The following SHCBP1L variants were observed in gnomAD, a reference collection of about 807,000 sequenced individuals.
SHCBP1L encodes the protein testicular spindle-associated protein SHCBP1L.
Under a neutral mutation model 62.5 loss-of-function variants are expected in SHCBP1L, and 67 were observed. That is an observed-to-expected ratio of 1.07 (90% CI 0.88 to 1.31). SHCBP1L has a LOEUF of 1.31. SHCBP1L is among the 40% of genes most tolerant of loss of function. The pLI, the probability that SHCBP1L is intolerant of heterozygous loss-of-function variation, is 0.00. For missense variants in SHCBP1L, 823 were observed against 809.8 expected (o/e 1.02, Z -0.20); for synonymous variants, 284 against 289.4 (o/e 0.98, Z 0.19).
chr1:182,944,957 C>CTTTTTT (rs11309339), intron 2 of SHCBP1L, among the ~76,000 whole-genome samples: 42 of 109,022 alleles, frequency 3.9e-4, no homozygotes, highest in African/African-American at 7.3e-4. Flanking sequence ...TTCTTTCTTT[C>CTTTTTT]TTTTTTTTTT....
intron 6 of SHCBP1L, among the ~76,000 whole-genome samples, chr1:182,910,480 TA>T (rs149181719): frequency 0.021 from 3,270 of 152,302 alleles, 114 homozygotes; most frequent in African/African-American, 0.075. Flanking sequence ...AGAAAGATGA[TA>T]TTTTTTTTCA....
rs188660271 is a variant in SHCBP1L, at chr1:182,914,945, G to A, written c.1183-9296C>T. Among the ~76,000 whole-genome samples the A allele has an allele frequency of 2.1e-3, 324 of 151,802 alleles. 3 individuals carry two copies. Among genetic ancestry groups the A allele is most frequent in the Admixed American group, 3.2e-3 (48 of 15,238 alleles). On this transcript the variant is annotated intron_variant, in intron 6 of 9. Transcript: ENST00000367547. Reference sequence around the variant, plus strand: ...AACCCTTTGGGAGGGCGAGGTGGGCGGATCATGAGGTCAGGAATTTGAGAC... The same window carrying A: ...AACCCTTTGGGAGGGCGAGGTGGGCAGATCATGAGGTCAGGAATTTGAGAC...
chr1:182,943,785 T>C (rs1651457932), intron 2 of SHCBP1L, among the ~76,000 whole-genome samples: 2 of 151,544 alleles, frequency 1.3e-5, no homozygotes, highest in South Asian at 4.2e-4. Context: ...TATACATGCA[T>C]ATAGTTTAGA....
At position 182,905,628 on chromosome 1, in the gene SHCBP1L, T is replaced by G. The variant is rs143615282; in HGVS notation, c.1204A>C (p.Thr402Pro). ...TEMIKDLSSD[T>P]LLQQHGDLDL... is the part of the protein sequence containing the mutation. ...AAATCACCATGCTGTTGGAGAAGTG[T>G]GTCTGAAGATAAATCCTTTATCTAA... Residue 402 changes from threonine to proline, a missense_variant, in exon 7 of 10, where the codon ACA (threonine) becomes CCA (proline). Physicochemically the swap from Thr to Pro is conservative, Grantham distance 38 (BLOSUM62 -1). Coordinates refer to ENST00000367547, the MANE Select transcript of SHCBP1L (RefSeq NM_030933.4). 1 of 1,613,114 alleles carries G rather than the reference T, an allele frequency of 6.2e-7. No individual in the cohort carries two copies. Among genetic ancestry groups the G allele is most frequent in the Non-Finnish European group, 8.5e-7 (1 of 1,179,720 alleles).
chr1:182,924,794 A>AAGAGAG (rs1287810709), intron 6 of SHCBP1L, among the ~76,000 whole-genome samples: 15 of 117,464 alleles, frequency 1.3e-4, no homozygotes, highest in African/African-American at 5.0e-4. Context: ...GAAAGAGAGA[A>AAGAGAG]AGAAAGGAAG....
chr1:182,905,401 T>C, intron 7 of SHCBP1L, 95 bp downstream of exon 7: 1 of 1,257,064 alleles, frequency 8.0e-7, no homozygotes, highest in East Asian at 2.5e-5. Context: ...TAAATTCTAT[T>C]GTAATTTCCA....
intron 9 of SHCBP1L, among the ~76,000 whole-genome samples, chr1:182,902,259 G>C (rs1292631746): frequency 6.6e-6 from 1 of 151,768 alleles, no homozygotes; most frequent in Non-Finnish European, 1.5e-5. Context: ...CACCATGTTA[G>C]CCAGGATGGT....
intron 7 of SHCBP1L, 65 bp downstream of exon 7, chr1:182,905,431 T>C: frequency 1.4e-6 from 2 of 1,467,564 alleles, no homozygotes; most frequent in Non-Finnish European, 1.9e-6. Context: ...TTAAGCATGT[T>C]TAGAATACAC....
chr1:182,952,223 TATATATATATATACAC>T (rs1194714372), intron 1 of SHCBP1L, among the ~76,000 whole-genome samples: 6 of 64,006 alleles, frequency 9.4e-5, no homozygotes, highest in East Asian at 1.0e-3. Flanking sequence ...TATATATATA[TATATATATATATACAC>T]ACACACACAC....
At chr1:182,932,683 T>G (rs1181422561) in intron 5 of SHCBP1L, among the ~76,000 whole-genome samples, 1 of 151,784 alleles carries the variant, frequency 6.6e-6, no homozygotes, top group Non-Finnish European at 1.5e-5. Flanking sequence ...TTATTAGAGA[T>G]GGGGTTTTGC....
intron 5 of SHCBP1L, among the ~76,000 whole-genome samples, chr1:182,934,792 G>T (rs1476220651): frequency 6.6e-6 from 1 of 152,102 alleles, no homozygotes; most frequent in East Asian, 1.9e-4. Context: ...GAGTCTTATA[G>T]TTTTGAGTTT....
chr1:182,930,594 T>TATATAC (rs1196006204), intron 5 of SHCBP1L, among the ~76,000 whole-genome samples: 1 of 99,896 alleles, frequency 1.0e-5, no homozygotes, highest in Non-Finnish European at 2.1e-5. Flanking sequence ...TATATATATA[T>TATATAC]ACACATATAT....
At position 182,903,064 on chromosome 1, in the gene SHCBP1L, C is replaced by T. The variant is rs775788864; in HGVS notation, c.1685G>A (p.Ser562Asn). Residue 562 changes from serine to asparagine, a missense_variant, in exon 9 of 10, where the codon AGC (serine) becomes AAC (asparagine). By Grantham distance (46) the Ser-to-Asn change is conservative (BLOSUM62 1). Transcript: ENST00000367547. ...CTTCATATTAACTCCACCTAAGGTG[C>T]TTTTTGAACTGTTACTGGTTCTGAG... ...NNLRTSNSSK[S>N]TLGGVNMKVL... The T allele has an allele frequency of 1.8e-5, 28 of 1,593,906 alleles. No homozygotes were observed. Among genetic ancestry groups the T allele is most frequent in the Non-Finnish European group, 2.3e-5 (27 of 1,170,884 alleles).
intron 6 of SHCBP1L, among the ~76,000 whole-genome samples, chr1:182,915,672 A>C (rs1019976926): frequency 2.0e-5 from 3 of 152,198 alleles, no homozygotes; most frequent in African/African-American, 7.2e-5. Flanking sequence ...ATTCTCCAAG[A>C]TATACCATCT....
chr1:182,915,201 TCACTTTAGATTCAAAGA>T (rs1463654694), intron 6 of SHCBP1L, among the ~76,000 whole-genome samples: 5 of 117,204 alleles, frequency 4.3e-5, no homozygotes, highest in Admixed American at 8.9e-5. Flanking sequence ...AAAAAGAATC[TCACTTTAGATTCAAAGA>T]CACAAGTAGG....
chr1:182,933,235 A>G (rs1287002398), intron 5 of SHCBP1L, among the ~76,000 whole-genome samples: 1 of 150,998 alleles, frequency 6.6e-6, no homozygotes, highest in Non-Finnish European at 1.5e-5. Context: ...GCTGAGCAGT[A>G]TTTCATTATA....
At chr1:182,927,458 G>A (rs1302278210) in intron 6 of SHCBP1L, among the ~76,000 whole-genome samples, 1 of 152,074 alleles carries the variant, frequency 6.6e-6, no homozygotes, top group Non-Finnish European at 1.5e-5. Context: ...GGATCACGAG[G>A]TCAGGAGATC....
At chr1:182,929,976 A>G (rs1208585575) in intron 5 of SHCBP1L, among the ~76,000 whole-genome samples, 1 of 152,160 alleles carries the variant, frequency 6.6e-6, no homozygotes, top group Non-Finnish European at 1.5e-5. Flanking sequence ...ATTTTAATTG[A>G]TAGTACCTGG....
intron 6 of SHCBP1L, among the ~76,000 whole-genome samples, chr1:182,922,650 G>A (rs1362217287): frequency 6.6e-6 from 1 of 151,532 alleles, no homozygotes; most frequent in African/African-American, 2.4e-5. Flanking sequence ...TGACTTTTGG[G>A]TAAACACTGA....
Sources: allele counts gnomAD v4.1 joint callset (sites outside exome capture counted in the v4.1 genomes callset), GRCh38; gene constraint gnomAD v4.1.1; transcripts MANE v1.5; gene names NCBI Gene and HGNC (gene_info 2026-07-23, HGNC 2026-07-21).